TBC1D31: variants seen among roughly 807,000 people sequenced by gnomAD.
TBC1D31 encodes TBC1 domain family member 31.
Under a neutral mutation model 132.9 loss-of-function variants are expected in TBC1D31, and 99 were observed. That is an observed-to-expected ratio of 0.74 (90% CI 0.63 to 0.88). TBC1D31 has a LOEUF of 0.88. Ranked by LOEUF, TBC1D31 falls within the 40% of genes least tolerant of loss-of-function variation. The probability of loss-of-function intolerance (pLI) is 0.00; values close to 1 mark genes in which losing one functional copy is unlikely to be tolerated. For missense variants in TBC1D31, 1,134 were observed against 1,256.6 expected (o/e 0.90, Z 1.48); for synonymous variants, 385 against 419.4 (o/e 0.92, Z 1.00).
At chr8:123,163,409 G>C in the TBC1D31 span, among the ~76,000 whole-genome samples, 1 of 116,854 alleles carries the variant, frequency 8.6e-6, no homozygotes, top group African/African-American at 3.4e-5. Context: ...CTGTCACCCA[G>C]GCTGGAGTGC....
chr8:123,086,605 C>G (rs1159760030), intron 4 of TBC1D31, among the ~76,000 whole-genome samples: 4 of 152,152 alleles, frequency 2.6e-5, no homozygotes, highest in Non-Finnish European at 5.9e-5. Flanking sequence ...CTCTTCAGCT[C>G]TAGGGGCCTG....
chr8:123,162,733 C>G, the TBC1D31 span, among the ~76,000 whole-genome samples: 5 of 152,198 alleles, frequency 3.3e-5, no homozygotes, highest in Non-Finnish European at 5.9e-5. Flanking sequence ...ATAAAATATA[C>G]GCATACAGCC....
intron 17 of TBC1D31, among the ~76,000 whole-genome samples, chr8:123,139,481 A>G (rs1395888523): frequency 3.3e-5 from 5 of 152,222 alleles, no homozygotes; most frequent in Non-Finnish European, 4.4e-5. Context: ...ATGATTGAAC[A>G]GAGATTTTAA....
At chr8:123,156,215 C>G (rs1039801269), downstream of TBC1D31, among the ~76,000 whole-genome samples, 1 of 152,122 alleles carries the variant, frequency 6.6e-6, no homozygotes, top group Non-Finnish European at 1.5e-5. Flanking sequence ...CCGAGGTGGG[C>G]GGATCACCTG....
intron 13 of TBC1D31, chr8:123,128,020 T>G (rs1352537532): frequency 1.2e-5 from 3 of 258,260 alleles, no homozygotes; most frequent in African/African-American, 4.4e-5. Flanking sequence ...TTTGTTCCAT[T>G]GTTGAAGCAT....
chr8:123,157,418 G>A, the TBC1D31 span, among the ~76,000 whole-genome samples: 1 of 152,112 alleles, frequency 6.6e-6, no homozygotes, highest in Non-Finnish European at 1.5e-5. Context: ...CGGAATTCTA[G>A]TTCCGCTGCG....
intron 3 of TBC1D31, 93 bp downstream of exon 3, chr8:123,082,910 A>C: frequency 1.2e-6 from 1 of 804,998 alleles, no homozygotes; most frequent in Non-Finnish European, 2.0e-6. Context: ...TTGAGGGGGC[A>C]GTCCCCATGA....
the TBC1D31 span, among the ~76,000 whole-genome samples, chr8:123,159,395 G>A: frequency 1.3e-5 from 2 of 152,140 alleles, no homozygotes; most frequent in African/African-American, 4.8e-5. Flanking sequence ...GCTGTATGTT[G>A]TGACATGAAA....
At chr8:123,122,822 T>C (rs374804071) in intron 11 of TBC1D31, among the ~76,000 whole-genome samples, 1 of 152,214 alleles carries the variant, frequency 6.6e-6, no homozygotes, top group Non-Finnish European at 1.5e-5. Flanking sequence ...ACCAAGGAAA[T>C]TGATTTTTCT....
At chr8:123,077,750 T>G (rs548283917) in intron 2 of TBC1D31, among the ~76,000 whole-genome samples, 58 of 152,186 alleles carry the variant, frequency 3.8e-4, no homozygotes, top group African/African-American at 1.4e-3. Context: ...ATCTAAGAAT[T>G]TTAAAGAATT....
At chr8:123,104,552 A>T (rs1178488416) in intron 7 of TBC1D31, among the ~76,000 whole-genome samples, 1 of 152,188 alleles carries the variant, frequency 6.6e-6, no homozygotes, top group Non-Finnish European at 1.5e-5. Context: ...GAACTTAGAA[A>T]GCCTGAGTTA....
chr8:123,155,315 A>G (rs2131008492), downstream of TBC1D31, among the ~76,000 whole-genome samples: 1 of 152,292 alleles, frequency 6.6e-6, no homozygotes, highest in East Asian at 1.9e-4. This position sits in a 1 kb window ranked among gnomAD's most constrained non-coding sequence, Gnocchi z 4.1. Context: ...ATGCAACAAG[A>G]CATGATGGTG....
At chr8:123,156,549 CGCT>C, downstream of TBC1D31, among the ~76,000 whole-genome samples, 1 of 151,928 alleles carries the variant, frequency 6.6e-6, no homozygotes, top group South Asian at 2.1e-4. Context: ...TAATTTAATT[CGCT>C]GTTTGACCTG....
intron 2 of TBC1D31, among the ~76,000 whole-genome samples, chr8:123,079,983 C>G (rs560702253): frequency 6.6e-6 from 1 of 152,194 alleles, no homozygotes. Flanking sequence ...TCCCTTTTCA[C>G]TGTTGGTTGT....
intron 4 of TBC1D31, among the ~76,000 whole-genome samples, chr8:123,086,359 G>A (rs2129958191): frequency 6.6e-6 from 1 of 152,320 alleles, no homozygotes; most frequent in South Asian, 2.1e-4. Flanking sequence ...CTGCCTCAAT[G>A]AAGTAGGCAG....
At chr8:123,160,767 A>G in the TBC1D31 span, among the ~76,000 whole-genome samples, 11,808 of 152,278 alleles carry the variant, frequency 0.078, 512 homozygotes, top group Non-Finnish European at 0.098. Context: ...GAAGGGAGGT[A>G]GAACAGGAGT....
In TBC1D31 at chr8:123,116,614, G is replaced by A. The variant is rs548159130; in HGVS notation, c.1437-3441G>A. On this transcript the variant is annotated intron_variant, in intron 10 of 21. Coordinates refer to ENST00000287380, the MANE Select transcript of TBC1D31 (RefSeq NM_145647.4). Reference sequence around the variant, plus strand: ...TATATTGCCAAGCTCTTTCTACCGAGAAGGCCTAACAATGACACCCTGGTA... The same window carrying A: ...TATATTGCCAAGCTCTTTCTACCGAAAAGGCCTAACAATGACACCCTGGTA... Among the ~76,000 whole-genome samples the A allele has an allele frequency of 2.6e-5, 4 of 152,192 alleles. No homozygotes were observed. The East Asian group carries it at 7.7e-4, about 29-fold the overall frequency.
chr8:123,129,037 T>C, intron 14 of TBC1D31, 29 bp from the exon 15 acceptor site: 2 of 1,481,820 alleles, frequency 1.3e-6, no homozygotes, highest in Non-Finnish European at 1.8e-6. Flanking sequence ...TTCTTCTTTG[T>C]GTTTTCATAA....
At chr8:123,099,714 G>A (rs1312165151) in intron 6 of TBC1D31, among the ~76,000 whole-genome samples, 1 of 152,206 alleles carries the variant, frequency 6.6e-6, no homozygotes, top group East Asian at 1.9e-4. Flanking sequence ...GGAGGCAAAA[G>A]TTGGGAACTG....
Sources: gnomAD v4.1 joint callset for allele counts (sites outside exome capture counted in the v4.1 genomes callset) on GRCh38, gnomAD v4.1.1 for gene constraint, Gnocchi (gnomAD v3.1) non-coding constraint, MANE v1.5 for transcripts, NCBI Gene and HGNC (gene_info 2026-07-23, HGNC 2026-07-21) for gene names.